Variants in GABRB1 observed in about 807,000 individuals in gnomAD.
GABRB1 encodes the protein gamma-aminobutyric acid type A receptor subunit beta1.
Under a neutral mutation model 51.6 loss-of-function variants are expected in GABRB1, and 17 were observed. That is an observed-to-expected ratio of 0.33 (90% CI 0.23 to 0.49). GABRB1 has a LOEUF of 0.49. Ranked by LOEUF, GABRB1 falls within the 20% of genes least tolerant of loss-of-function variation. The pLI, the probability that GABRB1 is intolerant of heterozygous loss-of-function variation, is 0.99. For missense variants in GABRB1, 410 were observed against 600.6 expected, an observed-to-expected ratio of 0.68 and a Z score of 3.32; for synonymous variants, 247 against 218.9, an observed-to-expected ratio of 1.13 and a Z score of -1.14.
At chr4:47,404,569 C>A (rs746448698) in intron 7 of GABRB1, among the ~76,000 whole-genome samples, 1 of 151,624 alleles carries the variant, frequency 6.6e-6, no homozygotes, top group Admixed American at 6.6e-5. Context: ...CTCTTCACTT[C>A]GGAGACTGTT....
rs73247674 is a variant in GABRB1, at chr4:47,215,412, T to C, written c.461+53943T>C. Among the ~76,000 whole-genome samples the C allele has an allele frequency of 9.4e-3, 1,435 of 152,204 alleles. 19 individuals carry two copies. The highest frequency in any genetic ancestry group is 0.011 in the Non-Finnish European group (726 of 68,004). On this transcript the variant is annotated intron_variant, in intron 4 of 8. Coordinates refer to ENST00000295454, the MANE Select transcript of GABRB1 (RefSeq NM_000812.4). The stretch of plus-strand genomic sequence containing the variant: ...AAAACAGTAATTCTCAAAGTTTATA[T>C]GTAGATAATTCAATTCTGTGTTTAA...
At chr4:47,014,121 TA>T (rs1724666261) in intron 1 of GABRB1, among the ~76,000 whole-genome samples, 1 of 152,222 alleles carries the variant, frequency 6.6e-6, no homozygotes, top group Admixed American at 6.5e-5. Context: ...TAATCAACTC[TA>T]AAAACACTAG....
At chr4:47,259,454 T>C (rs976547860) in intron 4 of GABRB1, among the ~76,000 whole-genome samples, 2 of 152,214 alleles carry the variant, frequency 1.3e-5, no homozygotes, top group African/African-American at 4.8e-5. Flanking sequence ...GTTTATAGTA[T>C]ACTTTTGCAG....
At chr4:47,308,845 C>T (rs1357007107) in intron 4 of GABRB1, among the ~76,000 whole-genome samples, 1 of 152,066 alleles carries the variant, frequency 6.6e-6, no homozygotes, top group Non-Finnish European at 1.5e-5. Flanking sequence ...TTTCTGAATG[C>T]TTAGGGCTTG....
intron 3 of GABRB1, among the ~76,000 whole-genome samples, chr4:47,143,838 G>T (rs1294802843): frequency 6.6e-6 from 1 of 151,738 alleles, no homozygotes; most frequent in Non-Finnish European, 1.5e-5. Context: ...CACCATGATT[G>T]CTCCTTTTGT....
intron 3 of GABRB1, among the ~76,000 whole-genome samples, chr4:47,041,918 G>C (rs981644947): frequency 6.6e-6 from 1 of 151,936 alleles, no homozygotes; most frequent in Non-Finnish European, 1.5e-5. Context: ...TTTCTATGGA[G>C]TCTTTTCTGC....
intron 3 of GABRB1, among the ~76,000 whole-genome samples, chr4:47,118,879 T>C (rs1370664750): frequency 6.6e-6 from 1 of 152,160 alleles, no homozygotes; most frequent in African/African-American, 2.4e-5. Flanking sequence ...CCAAAACTGC[T>C]AATGCAGGCA....
Position 47,144,791 on chromosome 4 carries a change from G to C in GABRB1, c.241-16458G>C, listed in dbSNP as rs1304692965. ...TTTAGGGAAACCATCACAACTAACA[G>C]TGTGTCATGCTTGCCTCATATACAC... is the stretch of plus-strand genomic sequence containing the variant. On this transcript the variant is annotated intron_variant, in intron 3 of 8. Coordinates refer to ENST00000295454, the MANE Select transcript of GABRB1 (RefSeq NM_000812.4). 4.6e-5 allele frequency among the ~76,000 whole-genome samples: 7 copies of C among 150,948 alleles called. No homozygotes were observed. The East Asian group carries it at 1.4e-3, about 29-fold the overall frequency.
intron 3 of GABRB1, among the ~76,000 whole-genome samples, chr4:47,097,521 C>T (rs1714506310): frequency 6.6e-6 from 1 of 152,182 alleles, no homozygotes; most frequent in Admixed American, 6.5e-5. Context: ...TGTCACAACA[C>T]TTCTTCCATT....
rs575979941 is a variant in GABRB1, at chr4:47,289,487, C to T, written c.462-30640C>T. Among the ~76,000 whole-genome samples the T allele has an allele frequency of 2.0e-5, 3 of 152,280 alleles. No homozygotes were observed. In the South Asian group the frequency reaches 6.2e-4, roughly 32 times the overall value. On this transcript the variant is annotated intron_variant, in intron 4 of 8. Coordinates refer to ENST00000295454, the MANE Select transcript of GABRB1 (RefSeq NM_000812.4). ...TGAACCTACACCCATTTGTCCTCAACCTTCAGCCTGGATTCTGGGAAAATT... is the reference window on the plus strand; with the variant it reads ...TGAACCTACACCCATTTGTCCTCAATCTTCAGCCTGGATTCTGGGAAAATT...
intron 3 of GABRB1, among the ~76,000 whole-genome samples, chr4:47,107,777 T>C (rs1715029003): frequency 6.6e-6 from 1 of 152,052 alleles, no homozygotes; most frequent in African/African-American, 2.4e-5. Flanking sequence ...AAAGTTGCTC[T>C]TTATCAGCAA....
At chr4:47,074,689 C>T (rs957489874) in intron 3 of GABRB1, among the ~76,000 whole-genome samples, 5 of 152,120 alleles carry the variant, frequency 3.3e-5, no homozygotes, top group African/African-American at 1.2e-4. Flanking sequence ...GTGACAAACA[C>T]AGAGAAGACT....
At chr4:47,252,398 G>C (rs906569338) in intron 4 of GABRB1, among the ~76,000 whole-genome samples, 44 of 151,886 alleles carry the variant, frequency 2.9e-4, no homozygotes, top group Non-Finnish European at 2.5e-4. Flanking sequence ...GAACCAGTCT[G>C]CTTCCTTCAG....
At chr4:47,369,905 G>A (rs1727126506) in intron 5 of GABRB1, among the ~76,000 whole-genome samples, 1 of 152,014 alleles carries the variant, frequency 6.6e-6, no homozygotes, top group Non-Finnish European at 1.5e-5. Flanking sequence ...AAAAAGGGTA[G>A]CTATTTTATT....
intron 1 of GABRB1, among the ~76,000 whole-genome samples, chr4:47,023,641 A>C (rs1041381377): frequency 2.0e-5 from 3 of 152,052 alleles, no homozygotes; most frequent in Non-Finnish European, 4.4e-5. Context: ...AGCATTCAGA[A>C]ATAATAGATG....
intron 3 of GABRB1, among the ~76,000 whole-genome samples, chr4:47,057,804 A>G (rs1726682301): frequency 6.6e-6 from 1 of 152,226 alleles, no homozygotes; most frequent in Non-Finnish European, 1.5e-5. Context: ...GCAAAATCCA[A>G]TCACCGACAT....
chr4:47,051,392 T>A (rs1345217201), intron 3 of GABRB1, among the ~76,000 whole-genome samples: 3 of 152,130 alleles, frequency 2.0e-5, no homozygotes, highest in African/African-American at 7.2e-5. Context: ...TGGAGACAAA[T>A]AAAACTGAGA....
intron 5 of GABRB1, among the ~76,000 whole-genome samples, chr4:47,394,295 G>C (rs1280504382): frequency 1.3e-5 from 2 of 152,164 alleles, no homozygotes; most frequent in African/African-American, 4.8e-5. Flanking sequence ...AAGAGCAAAG[G>C]TTCCTATTCA....
chr4:47,232,099 C>T (rs943497123), intron 4 of GABRB1, among the ~76,000 whole-genome samples: 10 of 152,098 alleles, frequency 6.6e-5, no homozygotes, highest in African/African-American at 2.2e-4. Context: ...ACTCCTCTCC[C>T]ACCTGTCAAA....
Sources: gnomAD v4.1 joint callset for allele counts (sites outside exome capture counted in the v4.1 genomes callset) on GRCh38, gnomAD v4.1.1 for gene constraint, MANE v1.5 for transcripts, NCBI Gene and HGNC (gene_info 2026-07-23, HGNC 2026-07-21) for gene names.